Variants in ADCY7 observed in about 807,000 individuals in gnomAD.
ADCY7 encodes the protein adenylate cyclase 7, also known as adenylate cyclase type 7.
In ADCY7, 72 loss-of-function variants were observed where a neutral mutation model predicts 120.6. The observed-to-expected ratio is 0.60, with a 90% confidence interval of 0.49 to 0.73. The LOEUF is 0.73. Among genes scored for constraint, ADCY7 ranks in the 30% least tolerant of loss-of-function variants. ADCY7 has a pLI of 0.00. For synonymous variants in ADCY7, 661 were observed against 628.0 expected (o/e 1.05, Z -0.78); for missense variants, 1,227 against 1,486.0 (o/e 0.83, Z 2.87).
chr16:50,276,569 T>C (rs1490875433), intron 1 of ADCY7, among the ~76,000 whole-genome samples: 1 of 152,236 alleles, frequency 6.6e-6, no homozygotes, highest in Non-Finnish European at 1.5e-5. Flanking sequence ...GTCTGTTGGG[T>C]CATGTAATGT....
At position 50,311,786 on chromosome 16, in the gene ADCY7, G is replaced by A; in HGVS notation, c.2448G>A (p.Gln816=). ...TCACCCTGCTTACACTCTCCAGACA[G>A]GTAAGGAGGCTGGCCCCCCCCCCCC... ...FYITLLTLSR[Q]IDYYCRLDCL... is the part of the protein sequence containing the mutation. The change falls in exon 20 of 26, where the codon CAG becomes CAA. Residue 816 remains glutamine, a splice_region_variant and synonymous_variant. Transcript: ENST00000673801. The A allele has an allele frequency of 1.4e-6, 2 of 1,390,590 alleles. No homozygotes were observed. The highest frequency in any genetic ancestry group is 2.0e-6 in the Non-Finnish European group (2 of 1,010,816). 86.1% of individuals were successfully genotyped at this position (1,390,590 alleles called of 1,614,324 possible). A position where few individuals can be genotyped will look rare whatever the true frequency, so the allele number is the denominator to read the frequency against.
upstream of ADCY7, among the ~76,000 whole-genome samples, chr16:50,262,038 G>A (rs1281219603): frequency 1.3e-5 from 2 of 152,180 alleles, no homozygotes; most frequent in Admixed American, 6.5e-5. Context: ...CTAGGTTTGT[G>A]TGGCAGGGCC....
chr16:50,304,812 C>T (rs9924714), intron 11 of ADCY7, 113 bp from the exon 12 acceptor site: 366,476 of 1,445,822 alleles, frequency 0.25, 48,573 homozygotes, highest in African/African-American at 0.39. Flanking sequence ...TGGACGACCC[C>T]GACACCTTGT....
intron 19 of ADCY7, among the ~76,000 whole-genome samples, chr16:50,311,318 A>G (rs1001416135): frequency 1.3e-5 from 2 of 152,108 alleles, no homozygotes; most frequent in African/African-American, 4.8e-5. Context: ...AAAAGCTGGA[A>G]GCCTGGGACC....
chr16:50,269,846 G>T (rs895829272), intron 1 of ADCY7, among the ~76,000 whole-genome samples: 8 of 152,138 alleles, frequency 5.3e-5, no homozygotes, highest in Admixed American at 4.6e-4. Context: ...TATCAGAGCA[G>T]CCCATTCTAG....
rs55683248 is a variant in ADCY7, at chr16:50,305,615, C to G, written c.1679+29C>G. The G allele has an allele frequency of 9.6e-3, 15,136 of 1,571,688 alleles. 86 individuals carry two copies. The highest frequency in any genetic ancestry group is 0.012 in the Non-Finnish European group (13,312 of 1,152,354). On this transcript the variant is annotated intron_variant, in intron 13 of 25. Coordinates refer to ENST00000673801, the MANE Select transcript of ADCY7 (RefSeq NM_001114.5). ...AGGTCTGAGACCTCTGTCCACCCCCCTCTCCTCTCCCCCTCGGATAGGGGT... is the reference window on the plus strand; with the variant it reads ...AGGTCTGAGACCTCTGTCCACCCCCGTCTCCTCTCCCCCTCGGATAGGGGT...
intron 1 of ADCY7, among the ~76,000 whole-genome samples, chr16:50,251,827 CTGGGCCACAAAGCT>C (rs1255667473): frequency 2.6e-5 from 4 of 152,234 alleles, no homozygotes; most frequent in Non-Finnish European, 5.9e-5. Flanking sequence ...TCGCAGGGTG[CTGGGCCACAAAGCT>C]TGGGTTCTCC....
At chr16:50,299,322 G>T (rs1165789976) in intron 8 of ADCY7, among the ~76,000 whole-genome samples, 5 of 152,246 alleles carry the variant, frequency 3.3e-5, no homozygotes, top group Non-Finnish European at 5.9e-5. Flanking sequence ...CAAGGATGGG[G>T]TCTTAGCAAC....
At position 50,300,778 on chromosome 16, in the gene ADCY7, G is replaced by A. The variant is rs1307372948; in HGVS notation, c.1140G>A (p.Val380=). ...NMRVGIHSGN[V]LCGVIGLRKW... Reference sequence around the variant, plus strand: ...GTGTGGGCATACACTCGGGGAATGTGCTGTGCGGGGTCATCGGGCTGCGCA... The same window carrying A: ...GTGTGGGCATACACTCGGGGAATGTACTGTGCGGGGTCATCGGGCTGCGCA... The change falls in exon 9 of 26, where the codon GTG becomes GTA. Residue 380 remains valine, a synonymous_variant. Coordinates refer to ENST00000673801, the MANE Select transcript of ADCY7 (RefSeq NM_001114.5). 1.3e-6 allele frequency: 2 copies of A among 1,553,434 alleles called. No homozygotes were observed. The highest frequency in any genetic ancestry group is 1.7e-6 in the Non-Finnish European group (2 of 1,147,990).
In ADCY7 at chr16:50,318,061, T is replaced by C. The variant is rs1371675321; in HGVS notation, c.*2556T>C. ...TAGATCTGTAACATTTGTTTCAAAATGCTGTTTCATTTTTATAAAGTACCA... is the reference window on the plus strand; with the variant it reads ...TAGATCTGTAACATTTGTTTCAAAACGCTGTTTCATTTTTATAAAGTACCA... On this transcript the variant is annotated 3_prime_UTR_variant, in exon 26 of 26. Coordinates refer to ENST00000673801, the MANE Select transcript of ADCY7 (RefSeq NM_001114.5). The C allele has an allele frequency of 2.0e-5, 3 of 152,356 alleles. No individual in the cohort carries two copies. The highest frequency in any genetic ancestry group is 4.4e-5 in the Non-Finnish European group (3 of 68,036). 9.4% of individuals were successfully genotyped at this position (152,356 alleles called of 1,614,324 possible).
At chr16:50,256,340 CA>C (rs2032918209) in intron 1 of ADCY7, among the ~76,000 whole-genome samples, 3 of 152,290 alleles carry the variant, frequency 2.0e-5, no homozygotes, top group East Asian at 3.9e-4. Context: ...CATTACTAAT[CA>C]TTAGGGAAAT....
intron 1 of ADCY7, among the ~76,000 whole-genome samples, chr16:50,253,552 C>A (rs2032821519): frequency 6.6e-6 from 1 of 152,180 alleles, no homozygotes; most frequent in Non-Finnish European, 1.5e-5. Context: ...CCGCACCCAG[C>A]CAAAAATGGG....
chr16:50,311,921 C>A (rs576578637), intron 20 of ADCY7, 115 bp from the exon 21 acceptor site: 1 of 1,499,740 alleles, frequency 6.7e-7, no homozygotes, highest in East Asian at 2.3e-5. Context: ...AAGCACTGGT[C>A]CCCTGGCCAG....
Position 50,290,573 on chromosome 16 carries a change from G to T in ADCY7, c.288G>T (p.Leu96Phe), listed in dbSNP as rs2034883836. 6.2e-7 allele frequency: 1 copy of T among 1,614,074 alleles called. No individual in the cohort carries two copies. Among genetic ancestry groups the T allele is most frequent in the African/African-American group, 1.3e-5 (1 of 74,942 alleles). Residue 96 changes from leucine to phenylalanine, a missense_variant, in exon 3 of 26, where the codon TTG (leucine) becomes TTT (phenylalanine). Leu to Phe is a conservative substitution (Grantham distance 22). This residue lies in a region of ADCY7 where 382 missense variants were observed against 411.4 expected (regional missense o/e 0.93). Transcript: ENST00000673801. ...TCCTGCGGCGCTGGCTCAGGGCCTTGGCGCTGCTCACCTGGGCCTGCTTGG... is the reference window on the plus strand; with the variant it reads ...TCCTGCGGCGCTGGCTCAGGGCCTTTGCGCTGCTCACCTGGGCCTGCTTGG... ...ECLLRRWLRA[L>F]ALLTWACLVA...
chr16:50,306,804 A>G (rs1331393793), intron 14 of ADCY7, among the ~76,000 whole-genome samples: 1 of 152,214 alleles, frequency 6.6e-6, no homozygotes, highest in Non-Finnish European at 1.5e-5. Context: ...ATCACCTGGA[A>G]CTGAAGGAGG....
At chr16:50,301,349 A>C in intron 10 of ADCY7, 135 bp downstream of exon 10, 1 of 1,222,432 alleles carries the variant, frequency 8.2e-7, no homozygotes, top group Non-Finnish European at 1.1e-6. Context: ...GGCAGGAGTG[A>C]GCTCCCTGTT....
chr16:50,261,833 G>T (rs915826896), upstream of ADCY7, among the ~76,000 whole-genome samples: 1 of 152,216 alleles, frequency 6.6e-6, no homozygotes, highest in Non-Finnish European at 1.5e-5. Flanking sequence ...GGCGACAAGT[G>T]GCCAGCCCAA....
intron 1 of ADCY7, chr16:50,246,217 G>GCGGGGGAGCGCGGCGGGCGGGC (rs2032580200): frequency 6.7e-6 from 1 of 149,450 alleles, no homozygotes; most frequent in African/African-American, 2.4e-5. Context: ...AGCGCGGGGC[G>GCGGGGGAGCGCGGCGGGCGGGC]CGGGGGAGCG....
chr16:50,276,954 T>A (rs1384028858), intron 1 of ADCY7, among the ~76,000 whole-genome samples: 1 of 152,174 alleles, frequency 6.6e-6, no homozygotes, highest in African/African-American at 2.4e-5. Flanking sequence ...ACATTTTTTT[T>A]TTTTTAGTCA....
Sources: allele counts gnomAD v4.1 joint callset (sites outside exome capture counted in the v4.1 genomes callset), GRCh38; gene constraint gnomAD v4.1.1; regional missense constraint gnomAD v4.1.1; transcripts MANE v1.5; gene names NCBI Gene and HGNC (gene_info 2026-07-23, HGNC 2026-07-21).